Variants in DENND1A observed in about 807,000 individuals in gnomAD.
DENND1A encodes the protein DENN domain-containing protein 1A.
Under a neutral mutation model 113.7 loss-of-function variants are expected in DENND1A, and 51 were observed. That is an observed-to-expected ratio of 0.45 (90% CI 0.36 to 0.57). The LOEUF is 0.57. Among genes scored for constraint, DENND1A ranks in the 20% least tolerant of loss-of-function variants. The pLI is 0.00. For synonymous variants in DENND1A, 565 were observed against 570.8 expected (o/e 0.99, Z 0.14); for missense variants, 1,258 against 1,395.9 (o/e 0.90, Z 1.57).
In DENND1A at chr9:123,509,820, C is replaced by T. The variant is rs2053293001; in HGVS notation, c.993+47750G>A. ...AACACTTCTTTCCCCCACCCTTTGG[C>T]CTGCTGCATTCTTGACCTCAGGCAA... is the stretch of plus-strand genomic sequence containing the variant. On this transcript the variant is annotated intron_variant, in intron 13 of 23. Coordinates refer to ENST00000394215, the MANE Select transcript of DENND1A (RefSeq NM_001352964.2). Among the ~76,000 whole-genome samples, 3 of 152,324 alleles carry T rather than the reference C, an allele frequency of 2.0e-5. No homozygotes were observed. In the South Asian group the frequency reaches 6.2e-4, roughly 32 times the overall value.
At chr9:123,660,598 A>G (rs957306090) in intron 8 of DENND1A, among the ~76,000 whole-genome samples, 1 of 152,212 alleles carries the variant, frequency 6.6e-6, no homozygotes, top group African/African-American at 2.4e-5. Context: ...TAACCTAGGC[A>G]ATCATTTTTA....
intron 12 of DENND1A, among the ~76,000 whole-genome samples, chr9:123,582,398 ACTTT>A (rs1156843839): frequency 2.0e-5 from 3 of 150,674 alleles, no homozygotes; most frequent in Non-Finnish European, 4.4e-5. Flanking sequence ...CCTTCTTCTA[ACTTT>A]CTTTTTTTTT....
intron 9 of DENND1A, among the ~76,000 whole-genome samples, chr9:123,635,669 G>A (rs577194859): frequency 3.3e-5 from 5 of 152,318 alleles, no homozygotes; most frequent in Admixed American, 1.3e-4. Flanking sequence ...ATTTCCTGGG[G>A]ATTAGTTACA....
At chr9:123,649,298 G>A (rs1325172482) in intron 9 of DENND1A, among the ~76,000 whole-genome samples, 1 of 152,168 alleles carries the variant, frequency 6.6e-6, no homozygotes, top group Non-Finnish European at 1.5e-5. Context: ...CAATATGTAA[G>A]TTATATTAAT....
intron 13 of DENND1A, among the ~76,000 whole-genome samples, chr9:123,527,840 T>C (rs1486203488): frequency 6.6e-6 from 1 of 152,226 alleles, no homozygotes; most frequent in Non-Finnish European, 1.5e-5. Context: ...AGAAAAGAGT[T>C]TGAATCAGCT....
At chr9:123,484,910 TC>T (rs1397987158) in intron 13 of DENND1A, among the ~76,000 whole-genome samples, 2 of 152,112 alleles carry the variant, frequency 1.3e-5, no homozygotes, top group Non-Finnish European at 2.9e-5. Context: ...GCAAGTGACA[TC>T]CTCCCTCTGC....
At chr9:123,747,709 A>G (rs1485902624) in intron 5 of DENND1A, among the ~76,000 whole-genome samples, 2 of 152,210 alleles carry the variant, frequency 1.3e-5, no homozygotes, top group African/African-American at 2.4e-5. Context: ...TCTAATTTCA[A>G]AATTATACTG....
At chr9:123,820,607 TGA>T (rs1249774228) in intron 2 of DENND1A, among the ~76,000 whole-genome samples, 1 of 152,288 alleles carries the variant, frequency 6.6e-6, no homozygotes, top group East Asian at 1.9e-4. Context: ...CACAGAAGCA[TGA>T]GAGATAATAA....
intron 2 of DENND1A, among the ~76,000 whole-genome samples, chr9:123,866,044 C>T (rs749125501): frequency 2.9e-4 from 44 of 152,160 alleles, no homozygotes; most frequent in Non-Finnish European, 5.6e-4. Flanking sequence ...AAATCTTTCC[C>T]AAATACTTTT....
At chr9:123,560,412 A>C (rs2057677784) in intron 12 of DENND1A, among the ~76,000 whole-genome samples, 1 of 152,174 alleles carries the variant, frequency 6.6e-6, no homozygotes, top group South Asian at 2.1e-4. Context: ...TCCTCTGATA[A>C]GTTAGAAGCC....
At chr9:123,497,455 C>A (rs2052029950) in intron 13 of DENND1A, among the ~76,000 whole-genome samples, 1 of 152,122 alleles carries the variant, frequency 6.6e-6, no homozygotes, top group Non-Finnish European at 1.5e-5. Flanking sequence ...GTAGCTGGGA[C>A]TACAGATGCA....
intron 2 of DENND1A, among the ~76,000 whole-genome samples, chr9:123,798,793 A>T (rs186617290): frequency 4.3e-4 from 66 of 151,874 alleles, no homozygotes; most frequent in Admixed American, 1.1e-3. Flanking sequence ...TCTCTACTGA[A>T]TATCTTAGTT....
intron 1 of DENND1A, among the ~76,000 whole-genome samples, chr9:123,882,164 T>C (rs1407806229): frequency 1.3e-5 from 2 of 152,010 alleles, no homozygotes. Context: ...TGACTACTTC[T>C]TCCCTGACTC....
chr9:123,632,785 C>T lies in DENND1A; in HGVS notation c.619-2309G>A, dbSNP rs554063892. 3.0e-4 allele frequency among the ~76,000 whole-genome samples: 45 copies of T among 152,202 alleles called. No individual in the cohort carries two copies. The South Asian group carries it at 3.9e-3, about 13-fold the overall frequency. On this transcript the variant is annotated intron_variant, in intron 9 of 23. Coordinates refer to ENST00000394215, the MANE Select transcript of DENND1A (RefSeq NM_001352964.2). The stretch of plus-strand genomic sequence containing the variant: ...CCTTTTCCTCCCATCCCTTTCCACC[C>T]GTCCCCCAAACTGGCCTGGATTTGT...
chr9:123,570,693 ACT>A (rs1321304523), intron 12 of DENND1A, among the ~76,000 whole-genome samples: 3 of 152,182 alleles, frequency 2.0e-5, no homozygotes, highest in African/African-American at 7.2e-5. Context: ...ATGAATAAAC[ACT>A]CTATCAGAAA....
chr9:123,419,279 C>G (rs1012586512), intron 19 of DENND1A, among the ~76,000 whole-genome samples: 1 of 152,178 alleles, frequency 6.6e-6, no homozygotes, highest in Non-Finnish European at 1.5e-5. Context: ...GAAGCTGGCC[C>G]CAAAGGGGGT....
chr9:123,832,019 G>C (rs1476204391), intron 2 of DENND1A, among the ~76,000 whole-genome samples: 3 of 152,022 alleles, frequency 2.0e-5, no homozygotes, highest in African/African-American at 7.2e-5. Context: ...TGAGGTGATG[G>C]ACATGTTGAT....
chr9:123,854,094 A>G (rs1843783473), intron 2 of DENND1A, among the ~76,000 whole-genome samples: 6 of 152,260 alleles, frequency 3.9e-5, no homozygotes, highest in Admixed American at 3.9e-4. Context: ...TTAGGCAGCA[A>G]TAACTGAGGC....
intron 9 of DENND1A, among the ~76,000 whole-genome samples, chr9:123,639,039 T>TAAAAAAAAAAAAAAAAAAA (rs750972974): frequency 7.5e-4 from 24 of 32,096 alleles, no homozygotes; most frequent in East Asian, 2.1e-3. Context: ...GCATGAGTAG[T>TAAAAAAAAAAAAAAAAAAA]AAAAAAAAAA....
Sources: gnomAD v4.1 joint callset for allele counts (sites outside exome capture counted in the v4.1 genomes callset) on GRCh38, gnomAD v4.1.1 for gene constraint, MANE v1.5 for transcripts, NCBI Gene and HGNC (gene_info 2026-07-23, HGNC 2026-07-21) for gene names.